TG: variants seen among roughly 807,000 people sequenced by gnomAD.
TG encodes thyroid hormones.
TG carries 270 observed loss-of-function variants against 324.7 expected under a neutral mutation model. That is an observed-to-expected ratio of 0.83 (90% confidence interval 0.75 to 0.92). The LOEUF is 0.92. Ranked by LOEUF, TG falls within the 40% of genes least tolerant of loss-of-function variation. The pLI, the probability that TG is intolerant of heterozygous loss-of-function variation, is 0.00. For missense variants in TG, 3,591 were observed against 3,456.4 expected (o/e 1.04, Z -0.98); for synonymous variants, 1,401 against 1,327.0 (o/e 1.06, Z -1.21).
chr8:133,039,816 C>T (rs998631316), intron 41 of TG, among the ~76,000 whole-genome samples: 1 of 152,118 alleles, frequency 6.6e-6, no homozygotes, highest in African/African-American at 2.4e-5. Flanking sequence ...GCCCCTGCAC[C>T]CAGGGATTCC....
chr8:132,945,540 G>C (rs2246988), intron 26 of TG, among the ~76,000 whole-genome samples: 78,910 of 151,916 alleles, frequency 0.52, 21,891 homozygotes, highest in Non-Finnish European at 0.61. Context: ...TGCAAAGATC[G>C]AGAGCTCAGA....
At chr8:133,098,987 C>A (rs1437854961) in intron 43 of TG, among the ~76,000 whole-genome samples, 2 of 152,206 alleles carry the variant, frequency 1.3e-5, no homozygotes, top group Non-Finnish European at 2.9e-5. Flanking sequence ...GGACTGGGAT[C>A]TCTACTCAAG....
intron 41 of TG, chr8:133,060,070 C>G (rs768279465): frequency 6.4e-7 from 1 of 1,558,472 alleles, no homozygotes; most frequent in African/African-American, 1.4e-5. Context: ...AGCACAGACT[C>G]AAGCATCTCA....
At chr8:133,110,955 C>A (rs1402756471) in intron 43 of TG, among the ~76,000 whole-genome samples, 2 of 152,148 alleles carry the variant, frequency 1.3e-5, no homozygotes, top group Non-Finnish European at 2.9e-5. Flanking sequence ...TCACAGGAGA[C>A]AAAAACAGGG....
intron 25 of TG, among the ~76,000 whole-genome samples, chr8:132,938,088 C>A (rs920591504): frequency 3.3e-5 from 5 of 152,256 alleles, no homozygotes; most frequent in African/African-American, 1.2e-4. Flanking sequence ...TTCTTTATTT[C>A]ACTTGAAACT....
At chr8:132,919,581 A>C in intron 21 of TG, 56 bp downstream of exon 21, 1 of 1,606,220 alleles carries the variant, frequency 6.2e-7, no homozygotes, top group Non-Finnish European at 8.5e-7. Context: ...AATGGAACTC[A>C]ACAGGGTTTC....
chr8:133,084,525 T>G (rs565095035), intron 41 of TG, among the ~76,000 whole-genome samples: 2 of 152,202 alleles, frequency 1.3e-5, no homozygotes, highest in Non-Finnish European at 2.9e-5. Flanking sequence ...GCCTGGGAAA[T>G]CAGAAATTTT....
At chr8:133,093,975 G>A (rs1179198730) in intron 41 of TG, among the ~76,000 whole-genome samples, 3 of 152,192 alleles carry the variant, frequency 2.0e-5, no homozygotes, top group Non-Finnish European at 4.4e-5. Flanking sequence ...ATCAGTGGCA[G>A]TAGCAGGGGT....
At position 133,038,728 on chromosome 8, in the gene TG, C is replaced by G. The variant is rs528805748; in HGVS notation, c.7239+8705C>G. 3.2e-5 allele frequency: 51 copies of G among 1,612,956 alleles called. No individual in the cohort carries two copies. In the East Asian group the frequency reaches 1.1e-3, roughly 35 times the overall value. On this transcript the variant is annotated intron_variant, in intron 41 of 47. Coordinates refer to ENST00000220616, the MANE Select transcript of TG (RefSeq NM_003235.5). The stretch of plus-strand genomic sequence containing the variant: ...GCGGGTTCTCTGTTCCCTCGGGGTC[C>G]TCCTGCAGTCTGTGGGCCAGAAGAA...
At position 133,081,002 on chromosome 8, in the gene TG, G is replaced by A. The variant is rs117797216; in HGVS notation, c.7240-14042G>A. Among the ~76,000 whole-genome samples the A allele has an allele frequency of 7.3e-3, 1,109 of 152,382 alleles. 7 individuals are homozygous for A. Among genetic ancestry groups the A allele is most frequent in the Middle Eastern group, 0.017 (5 of 294 alleles). ...GCGTATTGGAGTAACGAGCAAGAGA[G>A]GATTTGAAGTACTTAGGAGTTGTGT... On this transcript the variant is annotated intron_variant, in intron 41 of 47. Transcript: ENST00000220616.
rs114913251 is a variant in TG, at chr8:132,911,505, G to T, written c.4131G>T (p.Val1377=). Residue 1377 remains valine, a synonymous_variant, in exon 19 of 48, where the codon GTG becomes GTT. Transcript: ENST00000220616. ...TWKSRLEDIP[V]ASLPDLHDIE... ...AATCACGGCTTGAGGACATCCCAGT[G>T]GCTTCTCTTCCTGACTTACATGACA... 211 of 1,614,160 alleles carry T rather than the reference G, an allele frequency of 1.3e-4. No homozygotes were observed. Among genetic ancestry groups the T allele is most frequent in the Middle Eastern group, 3.3e-4 (2 of 6,062 alleles).
chr8:133,121,021 C>A (rs2958688), intron 45 of TG, among the ~76,000 whole-genome samples: 16 of 151,900 alleles, frequency 1.1e-4, no homozygotes, highest in Admixed American at 8.5e-4. Flanking sequence ...GGTTCCACTG[C>A]GGCAACCCAG....
At chr8:133,103,387 C>G (rs1849504050) in intron 43 of TG, among the ~76,000 whole-genome samples, 1 of 152,084 alleles carries the variant, frequency 6.6e-6, no homozygotes, top group Admixed American at 6.5e-5. Flanking sequence ...AGCTATAGCC[C>G]CACATTACCC....
intron 41 of TG, among the ~76,000 whole-genome samples, chr8:133,044,190 A>G (rs543833741): frequency 6.6e-6 from 1 of 152,296 alleles, no homozygotes; most frequent in African/African-American, 2.4e-5. Flanking sequence ...CATTTAGCCA[A>G]CCGTTCACAA....
rs752614846 is a variant in TG, at chr8:132,886,991, A to C, written c.1619A>C (p.Lys540Thr). Residue 540 changes from lysine to threonine, a missense_variant, in exon 9 of 48, where the codon AAG (lysine) becomes ACG (threonine). By Grantham distance (78) the Lys-to-Thr change is moderately conservative (BLOSUM62 -1). Transcript: ENST00000220616. ...ACAGGAACCCCTGAAGCTGCTAAGA[A>C]GGATGGTACTATGAATAAGCCAACT... ...SSTGTPEAAK[K>T]DGTMNKPTVG... 4 of 1,614,248 alleles carry C rather than the reference A, an allele frequency of 2.5e-6. No individual in the cohort carries two copies. Among genetic ancestry groups the C allele is most frequent in the Non-Finnish European group, 3.4e-6 (4 of 1,180,046 alleles).
chr8:132,908,091 A>G, intron 17 of TG, 95 bp from the exon 18 acceptor site: 1 of 1,453,506 alleles, frequency 6.9e-7, no homozygotes, highest in Non-Finnish European at 9.5e-7. Context: ...TTTTGAGCTC[A>G]ATGAGGAAGG....
chr8:132,967,237 T>A (rs576619599), intron 30 of TG, among the ~76,000 whole-genome samples: 1 of 79,326 alleles, frequency 1.3e-5, no homozygotes, highest in African/African-American at 1.2e-4. Context: ...CATCCATCCA[T>A]CCATCCATCC....
intron 23 of TG, among the ~76,000 whole-genome samples, chr8:132,931,771 T>C (rs1467616995): frequency 6.6e-6 from 1 of 152,090 alleles, no homozygotes; most frequent in Non-Finnish European, 1.5e-5. Flanking sequence ...AGGAGAACTT[T>C]AGAGCCATGA....
At chr8:133,105,425 T>C (rs1187132875) in intron 43 of TG, among the ~76,000 whole-genome samples, 1 of 152,070 alleles carries the variant, frequency 6.6e-6, no homozygotes, top group Admixed American at 6.5e-5. Flanking sequence ...AAGAGGGGAA[T>C]GATTTTAGGA....
Sources: allele counts gnomAD v4.1 joint callset (sites outside exome capture counted in the v4.1 genomes callset), GRCh38; gene constraint gnomAD v4.1.1; transcripts MANE v1.5; gene names NCBI Gene and HGNC (gene_info 2026-07-23, HGNC 2026-07-21).